AGBL1: variants seen among roughly 807,000 people sequenced by gnomAD.
AGBL1 encodes the protein AGBL carboxypeptidase 1.
A neutral mutation model predicts 118.9 loss-of-function variants in AGBL1; 130 were observed. That is an observed-to-expected ratio of 1.09 (90% CI 0.95 to 1.26). The LOEUF is 1.26. AGBL1 is among the 50% of genes most tolerant of loss of function. The pLI is 0.00. For missense variants in AGBL1, 1,584 were observed against 1,298.1 expected, an observed-to-expected ratio of 1.22 and a Z score of -3.38; for synonymous variants, 555 against 478.9, an observed-to-expected ratio of 1.16 and a Z score of -2.08.
At chr15:86,746,360 C>T (rs533207230) in intron 22 of AGBL1, among the ~76,000 whole-genome samples, 1 of 152,184 alleles carries the variant, frequency 6.6e-6, no homozygotes, top group African/African-American at 2.4e-5. Flanking sequence ...TTCCCAGTTC[C>T]TAAATCTTTG....
At position 86,413,341 on chromosome 15, in the gene AGBL1, G is replaced by T. The variant is rs183303154; in HGVS notation, c.2555+15795G>T. Among the ~76,000 whole-genome samples the T allele has an allele frequency of 3.9e-5, 6 of 152,236 alleles. No individual in the cohort carries two copies. In the South Asian group the frequency reaches 1.0e-3, roughly 26 times the overall value. The stretch of plus-strand genomic sequence containing the variant: ...GCCAGACATTTATGTAAACTATTAT[G>T]CATAATATTATGACATTTGGGAATG... On this transcript the variant is annotated intron_variant, in intron 18 of 22. Coordinates refer to ENST00000614907, the MANE Select transcript of AGBL1 (RefSeq NM_001386094.1).
chr15:86,553,016 G>T (rs528969639), intron 20 of AGBL1, among the ~76,000 whole-genome samples: 2 of 152,146 alleles, frequency 1.3e-5, no homozygotes, highest in East Asian at 3.9e-4. Context: ...GAGAGTAAGA[G>T]ATTTGCTCAA....
intron 23 of AGBL1, among the ~76,000 whole-genome samples, chr15:86,945,756 G>A (rs946684624): frequency 6.6e-6 from 1 of 152,206 alleles, no homozygotes; most frequent in African/African-American, 2.4e-5. Flanking sequence ...GTGCATATGT[G>A]TGTGCGTGTA....
chr15:86,789,805 T>C (rs938949063), intron 22 of AGBL1, among the ~76,000 whole-genome samples: 9 of 152,142 alleles, frequency 5.9e-5, no homozygotes, highest in African/African-American at 1.9e-4. Flanking sequence ...GCATAAGATA[T>C]CTCACCCTTG....
intron 22 of AGBL1, among the ~76,000 whole-genome samples, chr15:86,854,629 G>A (rs1399283209): frequency 6.6e-6 from 1 of 152,082 alleles, no homozygotes; most frequent in Non-Finnish European, 1.5e-5. Flanking sequence ...TTTTGGTAGT[G>A]GAGACTAGAA....
At chr15:86,921,967 C>T (rs966073381) in intron 23 of AGBL1, among the ~76,000 whole-genome samples, 3 of 152,164 alleles carry the variant, frequency 2.0e-5, no homozygotes, top group South Asian at 2.1e-4. Flanking sequence ...GACTCTGCTT[C>T]CTGCACAGGT....
intron 18 of AGBL1, among the ~76,000 whole-genome samples, chr15:86,411,335 C>T (rs999467895): frequency 1.3e-5 from 2 of 152,064 alleles, no homozygotes; most frequent in Admixed American, 6.5e-5. Context: ...AAAAGTGCAC[C>T]TATCAGGAAC....
At chr15:86,738,836 A>G (rs2077637898) in intron 22 of AGBL1, among the ~76,000 whole-genome samples, 1 of 152,128 alleles carries the variant, frequency 6.6e-6, no homozygotes, top group South Asian at 2.1e-4. Context: ...AGCCACTTCT[A>G]CATACTTAAA....
intron 17 of AGBL1, among the ~76,000 whole-genome samples, chr15:86,364,312 A>G (rs1468999346): frequency 6.6e-6 from 1 of 152,200 alleles, no homozygotes; most frequent in Non-Finnish European, 1.5e-5. Flanking sequence ...GCATTGTGCT[A>G]AGTGATTTTA....
rs1395795000 is a variant in AGBL1 at position 86,925,154 on chromosome 15, A to AGGG, written c.3222-62831_3222-62830insGGG. 3.1e-4 allele frequency among the ~76,000 whole-genome samples: 7 copies of AGGG among 22,874 alleles called. 1 individual carries two copies. The highest frequency in any genetic ancestry group is 9.9e-4 in the Non-Finnish European group (7 of 7,060). The allele number at this position is 22,874 out of a possible 152,430, so 15.0% of individuals were successfully genotyped here. ...GAAGAGGAAGAGGAAGAGGAGGAGGAGGAGGAGGAGGAGGAAGAGGAAGAG... is the reference window on the plus strand; with the variant it reads ...GAAGAGGAAGAGGAAGAGGAGGAGGAGGGGGAGGAGGAGGAGGAAGAGGAAGAG... On this transcript the variant is annotated intron_variant, in intron 23 of 24. Coordinates refer to the AGBL1 transcript ENST00000441037.
chr15:86,477,303 T>C (rs1309878137), intron 18 of AGBL1, among the ~76,000 whole-genome samples: 2 of 152,178 alleles, frequency 1.3e-5, no homozygotes, highest in Admixed American at 6.5e-5. Context: ...AGCTGGTTTT[T>C]TGAAAGATCA....
At chr15:86,116,827 A>T (rs1897789871) in intron 1 of AGBL1, 1 of 152,148 alleles carries the variant, frequency 6.6e-6, no homozygotes. Context: ...CACCTCCATA[A>T]TTACATGAGC....
chr15:86,726,797 C>T (rs962697955), intron 22 of AGBL1, among the ~76,000 whole-genome samples: 1 of 152,100 alleles, frequency 6.6e-6, no homozygotes, highest in Admixed American at 6.5e-5. Context: ...TCAAGCGATC[C>T]TCCTGCCTCG....
intron 21 of AGBL1, among the ~76,000 whole-genome samples, chr15:86,562,049 T>G (rs2083830933): frequency 6.6e-6 from 1 of 152,194 alleles, no homozygotes; most frequent in Non-Finnish European, 1.5e-5. Context: ...TTAAGGAGAT[T>G]TTGGGCTGAA....
At position 86,745,939 on chromosome 15, in the gene AGBL1, C is replaced by T. The variant is rs377542156; in HGVS notation, c.3158+71503C>T. On this transcript the variant is annotated intron_variant, in intron 22 of 22. Transcript: ENST00000614907. ...ACCAGAGCACATCTGGTCTAAGATA[C>T]TCTGATGTCTCTCTTTCAGGTAGAG... Among the ~76,000 whole-genome samples the T allele has an allele frequency of 5.3e-5, 8 of 152,078 alleles. No homozygotes were observed. In the South Asian group the frequency reaches 1.0e-3, roughly 20 times the overall value.
At chr15:86,945,841 G>A (rs2080814026) in intron 23 of AGBL1, among the ~76,000 whole-genome samples, 1 of 152,082 alleles carries the variant, frequency 6.6e-6, no homozygotes, top group Non-Finnish European at 1.5e-5. Context: ...GATACTTTTG[G>A]ACCTCACCAA....
chr15:86,098,731 A>G (rs531542046), intron 1 of AGBL1, among the ~76,000 whole-genome samples: 28 of 152,222 alleles, frequency 1.8e-4, no homozygotes, highest in African/African-American at 6.5e-4. Flanking sequence ...TAATATATTT[A>G]GAAGTCAGGT....
At chr15:86,452,326 T>C (rs995745148) in intron 18 of AGBL1, among the ~76,000 whole-genome samples, 1 of 152,186 alleles carries the variant, frequency 6.6e-6, no homozygotes, top group African/African-American at 2.4e-5. Context: ...CTGACCACTC[T>C]CACCTGGACA....
chr15:86,368,491 A>G (rs962033277), intron 17 of AGBL1, among the ~76,000 whole-genome samples: 12 of 152,252 alleles, frequency 7.9e-5, no homozygotes, highest in Admixed American at 3.3e-4. Context: ...TGACAAATGA[A>G]GAAATAATGT....
Sources: allele counts gnomAD v4.1 joint callset (sites outside exome capture counted in the v4.1 genomes callset), GRCh38; gene constraint gnomAD v4.1.1; transcripts MANE v1.5; gene names NCBI Gene and HGNC (gene_info 2026-07-23, HGNC 2026-07-21).